PPM1H: variants seen among roughly 807,000 people sequenced by gnomAD.
The protein encoded by PPM1H is protein phosphatase, Mg2+/Mn2+ dependent 1H, also known as protein phosphatase 1H.
PPM1H carries 27 observed loss-of-function variants against 54.9 expected under a neutral mutation model. That is an observed-to-expected ratio of 0.49 (90% confidence interval 0.36 to 0.68). The LOEUF (loss-of-function observed/expected upper bound fraction) is 0.68. Ranked by LOEUF, PPM1H falls within the 30% of genes least tolerant of loss-of-function variation. The pLI is 0.00. For synonymous variants in PPM1H, 305 were observed against 270.8 expected (o/e 1.13, Z -1.24); for missense variants, 596 against 667.8 (o/e 0.89, Z 1.19).
chr12:62,702,507 C>G (rs7358547), intron 6 of PPM1H, among the ~76,000 whole-genome samples: 1 of 150,462 alleles, frequency 6.6e-6, no homozygotes, highest in South Asian at 2.1e-4. Context: ...TCACTTCCCA[C>G]GATCTCCCTT....
At chr12:62,880,001 A>G (rs548900929) in intron 1 of PPM1H, among the ~76,000 whole-genome samples, 1 of 152,298 alleles carries the variant, frequency 6.6e-6, no homozygotes, top group African/African-American at 2.4e-5. Flanking sequence ...AGGTCTGCCA[A>G]ATTATATTAT....
chr12:62,703,993 T>C (rs2076159269), intron 6 of PPM1H, among the ~76,000 whole-genome samples: 1 of 151,332 alleles, frequency 6.6e-6, no homozygotes, highest in Middle Eastern at 3.2e-3. Flanking sequence ...TGTGTGTGTG[T>C]GTGTGTGTGT....
At chr12:62,787,570 A>C (rs2076680241) in intron 4 of PPM1H, among the ~76,000 whole-genome samples, 1 of 152,222 alleles carries the variant, frequency 6.6e-6, no homozygotes, top group Non-Finnish European at 1.5e-5. Context: ...CTGTAATCCC[A>C]GCTACTCAGG....
chr12:62,720,168 T>C lies in PPM1H; in HGVS notation c.1073+3A>G. The C allele has an allele frequency of 6.3e-7, 1 of 1,586,990 alleles. No homozygotes were observed. The highest frequency in any genetic ancestry group is 8.7e-7 in the Non-Finnish European group (1 of 1,155,320). On this transcript the variant is annotated splice_donor_region_variant and intron_variant, in intron 6 of 9. Coordinates refer to ENST00000228705, the MANE Select transcript of PPM1H (RefSeq NM_020700.2). ...TCCGAGGCAGAGGAAGGCATGTTCTTACCAGCCTGTCATATTAAAGTCCCT... is the reference window on the plus strand; with the variant it reads ...TCCGAGGCAGAGGAAGGCATGTTCTCACCAGCCTGTCATATTAAAGTCCCT...
At chr12:62,715,385 G>A (rs2076229400) in intron 6 of PPM1H, among the ~76,000 whole-genome samples, 1 of 151,988 alleles carries the variant, frequency 6.6e-6, no homozygotes, top group Non-Finnish European at 1.5e-5. Context: ...CTCAGCACTG[G>A]GGGCACTGCG....
At chr12:62,658,030 G>A in intron 9 of PPM1H, among the ~76,000 whole-genome samples, 1 of 128,122 alleles carries the variant, frequency 7.8e-6, no homozygotes. Context: ...ATGGCAGGGA[G>A]ACAGAGGGTC....
chr12:62,699,536 C>T (rs903241765), intron 6 of PPM1H, among the ~76,000 whole-genome samples: 5 of 152,160 alleles, frequency 3.3e-5, no homozygotes, highest in Non-Finnish European at 2.9e-5. Context: ...GTATAAAGCT[C>T]GGCAGAATCT....
In PPM1H at chr12:62,715,050, CG is replaced by C. The variant is rs1267796504; in HGVS notation, c.1073+5120del. Among the ~76,000 whole-genome samples the C allele has an allele frequency of 3.3e-5, 5 of 152,322 alleles. No homozygotes were observed. The East Asian group carries it at 7.7e-4, about 24-fold the overall frequency. ...AGTACGCTGATCCTACTTGAGAAAG[CG>C]GAATAGCCAGTGGTCACAGGAGCAG... On this transcript the variant is annotated intron_variant, in intron 6 of 9. Transcript: ENST00000228705.
At chr12:62,792,984 G>A (rs1012138329) in intron 3 of PPM1H, among the ~76,000 whole-genome samples, 26 of 152,044 alleles carry the variant, frequency 1.7e-4, no homozygotes, top group Admixed American at 8.5e-4. Flanking sequence ...ATAAAAACAT[G>A]GAAGTATTTT....
chr12:62,876,533 C>T (rs1049415797), intron 1 of PPM1H, among the ~76,000 whole-genome samples: 1 of 152,200 alleles, frequency 6.6e-6, no homozygotes, highest in African/African-American at 2.4e-5. Context: ...AACCATGACA[C>T]ACGAGGATGT....
intron 2 of PPM1H, among the ~76,000 whole-genome samples, chr12:62,810,021 G>T (rs1352289019): frequency 6.6e-6 from 1 of 152,042 alleles, no homozygotes; most frequent in Non-Finnish European, 1.5e-5. Flanking sequence ...ACACCAGTAT[G>T]CATCAGCCCT....
chr12:62,802,251 TC>T, intron 2 of PPM1H, 91 bp from the exon 3 acceptor site: 1 of 1,024,712 alleles, frequency 9.8e-7, no homozygotes, highest in Non-Finnish European at 1.4e-6. Context: ...GGACTGAGGG[TC>T]CACTTGGTTG....
At chr12:62,755,626 A>T in intron 4 of PPM1H, 1 of 654,466 alleles carries the variant, frequency 1.5e-6, no homozygotes. Flanking sequence ...TGTGATGGGC[A>T]TGAAGCATGA....
intron 9 of PPM1H, among the ~76,000 whole-genome samples, chr12:62,660,235 C>T (rs2075875898): frequency 6.6e-6 from 1 of 152,114 alleles, no homozygotes; most frequent in African/African-American, 2.4e-5. Flanking sequence ...TGCCCTCCTA[C>T]CAAATTACAC....
chr12:62,858,152 C>A (rs1341939831), intron 1 of PPM1H, among the ~76,000 whole-genome samples: 2 of 151,458 alleles, frequency 1.3e-5, no homozygotes, highest in South Asian at 2.1e-4. Context: ...TTTGATTTTA[C>A]ATCTCTTTCA....
intron 2 of PPM1H, among the ~76,000 whole-genome samples, chr12:62,820,068 C>T (rs2076893295): frequency 6.6e-6 from 1 of 152,238 alleles, no homozygotes; most frequent in Non-Finnish European, 1.5e-5. Context: ...GACACTCCCG[C>T]CCAAATACTG....
At chr12:62,839,792 C>A (rs1868656388) in intron 1 of PPM1H, among the ~76,000 whole-genome samples, 1 of 150,930 alleles carries the variant, frequency 6.6e-6, no homozygotes, top group Admixed American at 6.6e-5. Context: ...AATCCCAGCA[C>A]TTTGGGAGGC....
chr12:62,737,646 A>T, intron 4 of PPM1H, 60 bp from the exon 5 acceptor site: 1 of 1,237,900 alleles, frequency 8.1e-7, no homozygotes, highest in Non-Finnish European at 1.1e-6. Flanking sequence ...ATTCTGTTAC[A>T]ACCATTGCTT....
intron 1 of PPM1H, among the ~76,000 whole-genome samples, chr12:62,869,537 A>G (rs1161121028): frequency 1.3e-5 from 2 of 152,150 alleles, no homozygotes; most frequent in Non-Finnish European, 2.9e-5. Context: ...CCTCTATGCT[A>G]CATTCTTAGC....
Sources: allele counts gnomAD v4.1 joint callset (sites outside exome capture counted in the v4.1 genomes callset), GRCh38; gene constraint gnomAD v4.1.1; transcripts MANE v1.5; gene names NCBI Gene and HGNC (gene_info 2026-07-23, HGNC 2026-07-21).